Variants in DIPK1A observed in about 807,000 individuals in gnomAD.
DIPK1A encodes the protein family with sequence similarity 69 member A.
Under a neutral mutation model 40.8 loss-of-function variants are expected in DIPK1A, and 27 were observed. That is an observed-to-expected ratio of 0.66 (90% CI 0.49 to 0.91). The LOEUF is 0.91. Ranked by LOEUF, DIPK1A falls within the 40% of genes least tolerant of loss-of-function variation. The pLI is 0.00. For synonymous variants in DIPK1A, 166 were observed against 171.3 expected (o/e 0.97, Z 0.24); for missense variants, 412 against 505.7 (o/e 0.81, Z 1.78).
chr1:92,850,222 A>G (rs1411152674), intron 3 of DIPK1A, among the ~76,000 whole-genome samples: 1 of 152,072 alleles, frequency 6.6e-6, no homozygotes, highest in Non-Finnish European at 1.5e-5. Context: ...CTCCCATCTC[A>G]GCCTCCCAAA....
chr1:92,839,172 A>G (rs1687249443), downstream of DIPK1A, among the ~76,000 whole-genome samples: 1 of 151,842 alleles, frequency 6.6e-6, no homozygotes, highest in South Asian at 2.1e-4. Context: ...CAGCCTGGCC[A>G]ATATGGTGAA....
chr1:92,871,883 T>C (rs1571077075), intron 2 of DIPK1A, among the ~76,000 whole-genome samples: 1 of 152,114 alleles, frequency 6.6e-6, no homozygotes, highest in African/African-American at 2.4e-5. Context: ...GTTGGCTTGT[T>C]TCCACCTTTT....
chr1:92,939,685 A>G (rs1651078727), intron 1 of DIPK1A, among the ~76,000 whole-genome samples: 2 of 152,118 alleles, frequency 1.3e-5, no homozygotes. Flanking sequence ...TGGAAGCAGT[A>G]GCTCATGCTT....
At chr1:92,833,417 C>A (rs774416689) in intron 4 of DIPK1A, 4 of 1,613,766 alleles carry the variant, frequency 2.5e-6, no homozygotes, top group Non-Finnish European at 3.4e-6. Context: ...AAGAATAAGG[C>A]CTACTTTAAG....
rs1041318041 is a variant in DIPK1A at position 92,934,625 on chromosome 1, CT to C, written c.54+26750del. Among the ~76,000 whole-genome samples the C allele has an allele frequency of 2.0e-5, 3 of 152,164 alleles. 1 individual carries two copies. The highest frequency in any genetic ancestry group is 4.4e-5 in the Non-Finnish European group (3 of 68,032). ...AGGTTTCTCACCTTCCTCTTTTCAT[CT>C]TATTTTGGCTCACCTTCTCCCTCAA... is the stretch of plus-strand genomic sequence containing the variant. On this transcript the variant is annotated intron_variant, in intron 1 of 4. Transcript: ENST00000370310.
chr1:92,859,678 A>G (rs1688104300), intron 2 of DIPK1A, among the ~76,000 whole-genome samples: 2 of 152,142 alleles, frequency 1.3e-5, no homozygotes, highest in South Asian at 4.1e-4. Context: ...AGACTTGTTA[A>G]TTAGGAAATC....
chr1:92,855,872 G>A (rs1289408021), intron 2 of DIPK1A, among the ~76,000 whole-genome samples: 1 of 152,076 alleles, frequency 6.6e-6, no homozygotes, highest in Middle Eastern at 3.2e-3. Context: ...TTGAGTCCAG[G>A]AGTTCCAGAC....
At chr1:92,833,469 C>A in intron 4 of DIPK1A, 1 of 1,613,774 alleles carries the variant, frequency 6.2e-7, no homozygotes, top group Non-Finnish European at 8.5e-7. Context: ...GTACTGTCAC[C>A]TTTTTGTGTT....
intron 1 of DIPK1A, among the ~76,000 whole-genome samples, chr1:92,892,195 G>A (rs571739971): frequency 2.0e-5 from 3 of 152,164 alleles, no homozygotes; most frequent in South Asian, 2.1e-4. Context: ...ATCTGAGAAC[G>A]GACAGACTGC....
intron 1 of DIPK1A, among the ~76,000 whole-genome samples, chr1:92,957,114 C>T (rs1380856628): frequency 6.6e-6 from 1 of 152,160 alleles, no homozygotes; most frequent in Admixed American, 6.5e-5. Context: ...GTATTTTAAA[C>T]CAAAACCAAC....
intron 1 of DIPK1A, among the ~76,000 whole-genome samples, chr1:92,912,767 T>C (rs552786981): frequency 2.0e-5 from 3 of 152,216 alleles, no homozygotes; most frequent in Non-Finnish European, 2.9e-5. Flanking sequence ...CTATACCTAA[T>C]ACATTAGACT....
At chr1:92,893,735 A>G (rs1649018131) in intron 1 of DIPK1A, among the ~76,000 whole-genome samples, 1 of 152,046 alleles carries the variant, frequency 6.6e-6, no homozygotes. Context: ...AAGACCCATC[A>G]GTGTGCTGTA....
chr1:92,920,727 G>GA (rs1001691354), intron 1 of DIPK1A, among the ~76,000 whole-genome samples: 2 of 152,166 alleles, frequency 1.3e-5, no homozygotes, highest in South Asian at 2.1e-4. Context: ...ATCCTCCTAG[G>GA]AAAAAACTCA....
At chr1:92,953,463 A>T (rs1326506347) in intron 1 of DIPK1A, among the ~76,000 whole-genome samples, 1 of 152,242 alleles carries the variant, frequency 6.6e-6, no homozygotes, top group East Asian at 1.9e-4. Context: ...TCCCATGTTC[A>T]TTGTAGTACA....
At chr1:92,874,702 G>A (rs1407324878) in intron 2 of DIPK1A, among the ~76,000 whole-genome samples, 1 of 152,054 alleles carries the variant, frequency 6.6e-6, no homozygotes, top group African/African-American at 2.4e-5. Flanking sequence ...AGTTTTGTGG[G>A]GTTTTATTAG....
chr1:92,895,165 C>T (rs9439941), intron 1 of DIPK1A, among the ~76,000 whole-genome samples: 142,593 of 151,674 alleles, frequency 0.94, 67,149 homozygotes, highest in East Asian at 1. Context: ...GAGGCCAGCA[C>T]CATCCTGATA....
chr1:92,959,159 G>A (rs1425581321), intron 1 of DIPK1A, among the ~76,000 whole-genome samples: 2 of 151,974 alleles, frequency 1.3e-5, no homozygotes, highest in African/African-American at 4.8e-5. Context: ...GGTGGTGTGC[G>A]CCTGTAGTCC....
chr1:92,916,298 T>C (rs986961492), intron 1 of DIPK1A, among the ~76,000 whole-genome samples: 18 of 151,798 alleles, frequency 1.2e-4, no homozygotes, highest in African/African-American at 4.1e-4. Context: ...TTGATCCTTT[T>C]TTTCTTTTTT....
intron 4 of DIPK1A, chr1:92,845,457 T>A: frequency 3.1e-6 from 1 of 325,954 alleles, no homozygotes; most frequent in Non-Finnish European, 5.7e-6. Context: ...TAGCTTGAGC[T>A]CAGGAGTTCT....
Sources: allele counts gnomAD v4.1 joint callset (sites outside exome capture counted in the v4.1 genomes callset), GRCh38; gene constraint gnomAD v4.1.1; transcripts MANE v1.5; gene names NCBI Gene and HGNC (gene_info 2026-07-23, HGNC 2026-07-21).